Variants in EXOC4 observed in about 807,000 individuals in gnomAD.
EXOC4 encodes the protein SEC8-like 1.
A neutral mutation model predicts 107.2 loss-of-function variants in EXOC4; 71 were observed. The observed-to-expected ratio is 0.66, with a 90% CI of 0.55 to 0.81. The LOEUF (loss-of-function observed/expected upper bound fraction) is 0.81. Among genes scored for constraint, EXOC4 ranks in the 30% least tolerant of loss-of-function variants. The pLI, the probability that EXOC4 is intolerant of heterozygous loss-of-function variation, is 0.00. For synonymous variants in EXOC4, 456 were observed against 441.2 expected (o/e 1.03, Z -0.42); for missense variants, 1,108 against 1,189.6 (o/e 0.93, Z 1.01).
chr7:133,617,867 AG>A (rs1482536206), intron 9 of EXOC4, among the ~76,000 whole-genome samples: 1 of 152,198 alleles, frequency 6.6e-6, no homozygotes, highest in Non-Finnish European at 1.5e-5. Flanking sequence ...CCAGGTTGGT[AG>A]TGCCCTTAAG....
intron 6 of EXOC4, among the ~76,000 whole-genome samples, chr7:133,369,548 C>G (rs916733634): frequency 6.6e-6 from 1 of 152,138 alleles, no homozygotes. Context: ...TTCTTCCTCT[C>G]TAGTTACTTT....
chr7:133,844,718 G>A (rs940653680), intron 11 of EXOC4, among the ~76,000 whole-genome samples: 2 of 151,930 alleles, frequency 1.3e-5, no homozygotes, highest in African/African-American at 4.8e-5. Context: ...ACTGCTCATT[G>A]TTCTTCTCAT....
intron 11 of EXOC4, among the ~76,000 whole-genome samples, chr7:133,826,470 G>A (rs545763015): frequency 7.2e-4 from 109 of 152,236 alleles, no homozygotes; most frequent in African/African-American, 2.5e-3. Flanking sequence ...TCTTGTCTGA[G>A]CTTCCCCTCT....
intron 10 of EXOC4, among the ~76,000 whole-genome samples, chr7:133,778,542 C>T (rs1170199119): frequency 3.3e-5 from 5 of 152,156 alleles, no homozygotes. Flanking sequence ...CGTGATCACA[C>T]CACTGCACTC....
intron 11 of EXOC4, among the ~76,000 whole-genome samples, chr7:133,855,476 G>T (rs935004136): frequency 3.3e-5 from 5 of 151,902 alleles, no homozygotes; most frequent in African/African-American, 4.8e-5. Flanking sequence ...AAAGATATCA[G>T]CACATTTGGA....
At chr7:134,002,171 C>G (rs1441991972) in intron 15 of EXOC4, among the ~76,000 whole-genome samples, 1 of 152,098 alleles carries the variant, frequency 6.6e-6, no homozygotes, top group Non-Finnish European at 1.5e-5. Flanking sequence ...ACTTGAATAT[C>G]AGAATGAGTT....
At chr7:133,867,252 G>A (rs1359019390) in intron 11 of EXOC4, among the ~76,000 whole-genome samples, 4 of 152,182 alleles carry the variant, frequency 2.6e-5, no homozygotes, top group East Asian at 3.8e-4. Flanking sequence ...TTGCAAAATG[G>A]CAGTAATAGT....
At chr7:133,842,668 T>C (rs1798046121) in intron 11 of EXOC4, among the ~76,000 whole-genome samples, 1 of 152,210 alleles carries the variant, frequency 6.6e-6, no homozygotes, top group South Asian at 2.1e-4. Flanking sequence ...CATTTATTGA[T>C]TTTTGTTTTC....
At chr7:133,418,856 G>A (rs986676943) in intron 7 of EXOC4, among the ~76,000 whole-genome samples, 2 of 152,152 alleles carry the variant, frequency 1.3e-5, no homozygotes, top group Admixed American at 6.6e-5. Context: ...TAGAATATAG[G>A]ATTAGATAAA....
the EXOC4 span, among the ~76,000 whole-genome samples, chr7:134,098,338 A>G: frequency 6.6e-6 from 1 of 152,202 alleles, no homozygotes; most frequent in East Asian, 1.9e-4. Context: ...ATATCATGCC[A>G]CAGAGAGTAC....
At chr7:133,774,945 A>G (rs1284245788) in intron 10 of EXOC4, among the ~76,000 whole-genome samples, 1 of 151,634 alleles carries the variant, frequency 6.6e-6, no homozygotes, top group Non-Finnish European at 1.5e-5. Context: ...GGATGAAAAC[A>G]TGGCTAACCT....
chr7:133,343,594 C>G (rs1292708407), intron 5 of EXOC4, among the ~76,000 whole-genome samples: 1 of 151,324 alleles, frequency 6.6e-6, no homozygotes, highest in Admixed American at 6.6e-5. Context: ...TCTTTTAGTT[C>G]CGTTTTTTTT....
intron 9 of EXOC4, among the ~76,000 whole-genome samples, chr7:133,586,495 A>T (rs1461147874): frequency 6.6e-6 from 1 of 152,144 alleles, no homozygotes; most frequent in East Asian, 1.9e-4. Flanking sequence ...TATGTACCAC[A>T]TCTTCTTTAT....
intron 10 of EXOC4, among the ~76,000 whole-genome samples, chr7:133,647,007 A>T (rs1460698797): frequency 1.3e-5 from 2 of 152,180 alleles, no homozygotes; most frequent in Non-Finnish European, 2.9e-5. Flanking sequence ...ACTCCAGGAA[A>T]GCCATCACTA....
intron 10 of EXOC4, among the ~76,000 whole-genome samples, chr7:133,745,841 A>G (rs956022889): frequency 9.9e-5 from 15 of 151,916 alleles, no homozygotes; most frequent in African/African-American, 2.4e-4. Context: ...ACTCAAGTCA[A>G]TCTTTTTCTA....
chr7:133,691,586 C>T (rs1203879661), intron 10 of EXOC4, among the ~76,000 whole-genome samples: 4 of 152,046 alleles, frequency 2.6e-5, no homozygotes, highest in Non-Finnish European at 5.9e-5. Context: ...ACAGACATGA[C>T]CTGTGTCTTC....
intron 12 of EXOC4, among the ~76,000 whole-genome samples, chr7:133,896,437 A>T (rs767261327): frequency 2.0e-5 from 3 of 152,176 alleles, no homozygotes; most frequent in Non-Finnish European, 4.4e-5. Context: ...TGAAGGATAG[A>T]TAGGTAAAGT....
chr7:133,991,941 G>A (rs956332767), intron 14 of EXOC4, among the ~76,000 whole-genome samples: 8 of 152,078 alleles, frequency 5.3e-5, no homozygotes, highest in Non-Finnish European at 7.4e-5. Flanking sequence ...ATTCTGGGTC[G>A]TTTGTGATTC....
intron 10 of EXOC4, among the ~76,000 whole-genome samples, chr7:133,652,448 T>TA (rs1451063249): frequency 2.5e-3 from 362 of 146,684 alleles, no homozygotes; most frequent in Non-Finnish European, 3.8e-3. Context: ...ATTTTTTTTT[T>TA]TAAAAAAAAC....
Sources: allele counts gnomAD v4.1 joint callset (sites outside exome capture counted in the v4.1 genomes callset), GRCh38; gene constraint gnomAD v4.1.1; transcripts MANE v1.5; gene names NCBI Gene and HGNC (gene_info 2026-07-23, HGNC 2026-07-21).